MARCHF1: variants seen among roughly 807,000 people sequenced by gnomAD.
MARCHF1 encodes the protein E3 ubiquitin-protein ligase MARCHF1.
Under a neutral mutation model 54.2 loss-of-function variants are expected in MARCHF1, and 40 were observed. The observed-to-expected ratio is 0.74, with a 90% CI of 0.57 to 0.96. The LOEUF (loss-of-function observed/expected upper bound fraction) is 0.96. Among genes scored for constraint, MARCHF1 ranks in the 40% least tolerant of loss-of-function variants. MARCHF1 has a pLI of 0.00. For synonymous variants in MARCHF1, 236 were observed against 236.3 expected (o/e 1.00, Z 0.01); for missense variants, 586 against 656.5 (o/e 0.89, Z 1.17).
intron 3 of MARCHF1, among the ~76,000 whole-genome samples, chr4:163,869,424 C>T (rs973261400): frequency 2.0e-5 from 3 of 152,060 alleles, no homozygotes; most frequent in African/African-American, 7.2e-5. Flanking sequence ...TTTTGTACAT[C>T]CAGTGGGCTG....
At chr4:163,843,507 T>G (rs542525484) in intron 4 of MARCHF1, among the ~76,000 whole-genome samples, 1 of 152,260 alleles carries the variant, frequency 6.6e-6, no homozygotes, top group African/African-American at 2.4e-5. Flanking sequence ...CGCTTTTCTC[T>G]GCAACCTTGC....
chr4:163,711,194 G>A lies in MARCHF1; in HGVS notation c.112-10331C>T, dbSNP rs1745095700. On this transcript the variant is annotated intron_variant, in intron 4 of 9. Coordinates refer to ENST00000514618, the MANE Select transcript of MARCHF1 (RefSeq NM_001394959.1). ...TCACCCAAAGGAAAATCTGCCAGTG[G>A]TTTCATTCTGTAAATTTAATTTTCC... 2.0e-5 allele frequency among the ~76,000 whole-genome samples: 3 copies of A among 152,132 alleles called. No individual in the cohort carries two copies. The South Asian group carries it at 6.2e-4, about 32-fold the overall frequency.
intron 8 of MARCHF1, among the ~76,000 whole-genome samples, chr4:163,548,577 A>G (rs1299345571): frequency 6.6e-6 from 1 of 152,224 alleles, no homozygotes; most frequent in Admixed American, 6.5e-5. Context: ...GGAGAAGTGA[A>G]GCATAAGGGA....
At chr4:164,233,241 C>CAAA (rs150148007) in intron 1 of MARCHF1, among the ~76,000 whole-genome samples, 14 of 147,888 alleles carry the variant, frequency 9.5e-5, no homozygotes, top group East Asian at 3.9e-4. Flanking sequence ...CTGTTTATTT[C>CAAA]AAAAAAAAAA....
chr4:163,554,285 T>C (rs1246799111), intron 8 of MARCHF1, among the ~76,000 whole-genome samples: 2 of 152,360 alleles, frequency 1.3e-5, no homozygotes, highest in East Asian at 3.9e-4. Flanking sequence ...CTAAGAATTG[T>C]GACTCAGTGG....
At chr4:164,036,080 G>A (rs920969839) in intron 2 of MARCHF1, among the ~76,000 whole-genome samples, 4 of 141,654 alleles carry the variant, frequency 2.8e-5, no homozygotes, top group African/African-American at 1.1e-4. Flanking sequence ...TCCAGCCTGG[G>A]TGATACAGTG....
chr4:164,013,331 T>C (rs112539178), intron 2 of MARCHF1, among the ~76,000 whole-genome samples: 44 of 151,940 alleles, frequency 2.9e-4, no homozygotes, highest in African/African-American at 1.0e-3. Flanking sequence ...AGATAGGTTA[T>C]ATCAATATAC....
At chr4:163,913,946 C>T (rs933019475) in intron 3 of MARCHF1, among the ~76,000 whole-genome samples, 6 of 152,102 alleles carry the variant, frequency 3.9e-5, no homozygotes, top group African/African-American at 1.4e-4. Context: ...ACAAAACAGG[C>T]GTGAGTCTGA....
intron 1 of MARCHF1, among the ~76,000 whole-genome samples, chr4:164,241,866 G>A (rs532733363): frequency 4.6e-4 from 70 of 152,280 alleles, no homozygotes; most frequent in Middle Eastern, 3.4e-3. Context: ...AAGGGGTGAC[G>A]GATGGCACCT....
chr4:164,043,968 T>C (rs1754186412), intron 2 of MARCHF1, among the ~76,000 whole-genome samples: 1 of 152,118 alleles, frequency 6.6e-6, no homozygotes, highest in Admixed American at 6.6e-5. Context: ...TTACTCCAGT[T>C]CCCAAAAAGT....
intron 1 of MARCHF1, among the ~76,000 whole-genome samples, chr4:164,360,639 AT>A (rs1427057772): frequency 1.3e-5 from 2 of 152,018 alleles, no homozygotes; most frequent in Non-Finnish European, 2.9e-5. Context: ...GGGGCTCCAA[AT>A]TTTCATAGCC....
chr4:163,797,834 TTAAG>T (rs1315202494), intron 4 of MARCHF1, among the ~76,000 whole-genome samples: 1 of 152,148 alleles, frequency 6.6e-6, no homozygotes, highest in Non-Finnish European at 1.5e-5. Flanking sequence ...AATTTCAACA[TTAAG>T]TATTTTTGAG....
chr4:163,665,583 G>T (rs1434930654), intron 5 of MARCHF1, among the ~76,000 whole-genome samples: 1 of 152,094 alleles, frequency 6.6e-6, no homozygotes, highest in East Asian at 1.9e-4. Flanking sequence ...TATTGATGGA[G>T]CGTGTATAGC....
At chr4:163,721,379 C>T (rs1008251659) in intron 4 of MARCHF1, among the ~76,000 whole-genome samples, 9 of 151,446 alleles carry the variant, frequency 5.9e-5, no homozygotes, top group Non-Finnish European at 1.2e-4. Flanking sequence ...GGGATGAAGC[C>T]CACTTGATCA....
chr4:163,915,318 C>A (rs1751283510), intron 3 of MARCHF1, among the ~76,000 whole-genome samples: 1 of 151,996 alleles, frequency 6.6e-6, no homozygotes, highest in Admixed American at 6.6e-5. Context: ...CACCCCAAAA[C>A]CATAATCCCA....
At chr4:163,791,488 A>G (rs1373259578) in intron 4 of MARCHF1, among the ~76,000 whole-genome samples, 1 of 152,134 alleles carries the variant, frequency 6.6e-6, no homozygotes, top group African/African-American at 2.4e-5. Context: ...TAATTTGTCA[A>G]TCAAAAACAA....
At chr4:164,282,798 T>C (rs767551104) in intron 1 of MARCHF1, among the ~76,000 whole-genome samples, 8 of 151,282 alleles carry the variant, frequency 5.3e-5, no homozygotes, top group Non-Finnish European at 1.0e-4. Flanking sequence ...CTTTGTTCTA[T>C]TTCCTTCCAT....
At chr4:163,977,016 TAGC>T (rs1182790197) in intron 3 of MARCHF1, among the ~76,000 whole-genome samples, 1 of 152,054 alleles carries the variant, frequency 6.6e-6, no homozygotes, top group African/African-American at 2.4e-5. Context: ...TACACAGAAA[TAGC>T]AACTGAAATA....
intron 1 of MARCHF1, among the ~76,000 whole-genome samples, chr4:164,242,034 G>C (rs547931424): frequency 1.6e-4 from 25 of 152,334 alleles, no homozygotes; most frequent in African/African-American, 5.3e-4. Context: ...ACTGCAAGGC[G>C]GCAGCGAGGC....
Sources: allele counts gnomAD v4.1 joint callset (sites outside exome capture counted in the v4.1 genomes callset), GRCh38; gene constraint gnomAD v4.1.1; transcripts MANE v1.5; gene names NCBI Gene and HGNC (gene_info 2026-07-23, HGNC 2026-07-21).